Variants in LRRC4C observed in about 807,000 individuals in gnomAD.
LRRC4C encodes leucine-rich repeat-containing protein 4C.
Under a neutral mutation model 33.6 loss-of-function variants are expected in LRRC4C, and 5 were observed. The observed-to-expected ratio is 0.15, with a 90% CI of 0.08 to 0.31. The LOEUF is 0.31. Among genes scored for constraint, LRRC4C ranks in the 10% least tolerant of loss-of-function variants. LRRC4C has a pLI of 1.00. For synonymous variants in LRRC4C, 329 were observed against 302.0 expected, an observed-to-expected ratio of 1.09 and a Z score of -0.93; for missense variants, 560 against 796.7, an observed-to-expected ratio of 0.70 and a Z score of 3.58.
chr11:40,517,998 A>G (rs1955643088), intron 3 of LRRC4C, among the ~76,000 whole-genome samples: 1 of 152,178 alleles, frequency 6.6e-6, no homozygotes, highest in African/African-American at 2.4e-5. Flanking sequence ...CTGACAAAAT[A>G]AGCAATGGGG....
intron 5 of LRRC4C, among the ~76,000 whole-genome samples, chr11:40,156,764 G>A (rs772977740): frequency 6.6e-6 from 1 of 151,922 alleles, no homozygotes; most frequent in Admixed American, 6.6e-5. Context: ...AAAAATCATA[G>A]ATGACACAAA....
intron 2 of LRRC4C, among the ~76,000 whole-genome samples, chr11:40,725,282 G>A (rs1947233484): frequency 6.6e-6 from 1 of 152,126 alleles, no homozygotes; most frequent in Non-Finnish European, 1.5e-5. Flanking sequence ...CGAGGCAGGT[G>A]GATCACGAGG....
At chr11:40,277,234 T>C (rs1323055318) in intron 4 of LRRC4C, among the ~76,000 whole-genome samples, 3 of 152,148 alleles carry the variant, frequency 2.0e-5, no homozygotes, top group Non-Finnish European at 2.9e-5. Flanking sequence ...ACTGGGATAT[T>C]AAATGTTTCT....
At chr11:40,399,290 CCAA>C (rs1403395235) in intron 3 of LRRC4C, among the ~76,000 whole-genome samples, 2 of 152,052 alleles carry the variant, frequency 1.3e-5, no homozygotes, top group Non-Finnish European at 2.9e-5. Flanking sequence ...ACCCAAATGT[CCAA>C]CAATGATAGA....
intron 1 of LRRC4C, among the ~76,000 whole-genome samples, chr11:40,937,469 A>G (rs1313295722): frequency 6.6e-6 from 1 of 152,082 alleles, no homozygotes; most frequent in Non-Finnish European, 1.5e-5. Flanking sequence ...TAATATAATA[A>G]AAGTTGAAAT....
chr11:41,245,067 G>A (rs1016126574), intron 1 of LRRC4C, among the ~76,000 whole-genome samples: 3 of 152,104 alleles, frequency 2.0e-5, no homozygotes, highest in Non-Finnish European at 1.5e-5. Context: ...TGAGACGTTG[G>A]TTATGTTGCT....
chr11:40,191,458 T>G (rs1012537616), intron 5 of LRRC4C, among the ~76,000 whole-genome samples: 3 of 152,194 alleles, frequency 2.0e-5, no homozygotes, highest in Non-Finnish European at 4.4e-5. Context: ...TTAAATTTCT[T>G]GCATGATTGT....
At chr11:40,411,232 C>CA (rs1374778038) in intron 3 of LRRC4C, among the ~76,000 whole-genome samples, 1 of 151,992 alleles carries the variant, frequency 6.6e-6, no homozygotes, top group Non-Finnish European at 1.5e-5. Flanking sequence ...AAATGTGTGG[C>CA]AAAATTGTTA....
chr11:40,419,415 G>T (rs574242256), intron 3 of LRRC4C, among the ~76,000 whole-genome samples: 1 of 152,036 alleles, frequency 6.6e-6, no homozygotes, highest in African/African-American at 2.4e-5. Context: ...GAGAAAAATG[G>T]CACATCCCAG....
At chr11:41,344,370 G>A (rs906759026) in intron 1 of LRRC4C, among the ~76,000 whole-genome samples, 3 of 151,654 alleles carry the variant, frequency 2.0e-5, no homozygotes, top group African/African-American at 2.4e-5. Context: ...ACAGGCGCCC[G>A]CCACCACGCC....
At chr11:41,423,891 T>A (rs566384059) in intron 1 of LRRC4C, 1 of 152,096 alleles carries the variant, frequency 6.6e-6, no homozygotes, top group South Asian at 2.1e-4. Context: ...AATCTCATCT[T>A]GAATTCCTAT....
At chr11:40,763,305 A>G (rs1361721353) in intron 2 of LRRC4C, among the ~76,000 whole-genome samples, 1 of 152,026 alleles carries the variant, frequency 6.6e-6, no homozygotes, top group Non-Finnish European at 1.5e-5. Context: ...TGAACAAATC[A>G]TGGTACATAC....
chr11:40,175,519 G>C (rs1860404464), intron 5 of LRRC4C, among the ~76,000 whole-genome samples: 1 of 152,140 alleles, frequency 6.6e-6, no homozygotes, highest in Non-Finnish European at 1.5e-5. Context: ...AAGAATGCTG[G>C]AGACTGTCTC....
intron 2 of LRRC4C, among the ~76,000 whole-genome samples, chr11:40,682,261 C>T (rs1039246066): frequency 1.4e-5 from 2 of 147,304 alleles, no homozygotes; most frequent in African/African-American, 5.3e-5. Context: ...CAAAGTGAGG[C>T]CCCACCTTGA....
At chr11:40,953,569 C>T (rs1039051188) in intron 1 of LRRC4C, among the ~76,000 whole-genome samples, 1 of 151,836 alleles carries the variant, frequency 6.6e-6, no homozygotes, top group Admixed American at 6.6e-5. Context: ...AAAGGCATCA[C>T]TATATTTCAC....
chr11:40,816,412 A>C (rs1272025171), intron 2 of LRRC4C, among the ~76,000 whole-genome samples: 1 of 152,198 alleles, frequency 6.6e-6, no homozygotes, highest in Non-Finnish European at 1.5e-5. Context: ...ACAGATTCAC[A>C]ACAGATATCC....
At chr11:40,481,573 A>G (rs1433439065) in intron 3 of LRRC4C, among the ~76,000 whole-genome samples, 1 of 152,160 alleles carries the variant, frequency 6.6e-6, no homozygotes, top group Non-Finnish European at 1.5e-5. Context: ...ACCAGGAAGT[A>G]AACTTTTTTT....
At chr11:41,143,360 T>C (rs903079528) in intron 1 of LRRC4C, among the ~76,000 whole-genome samples, 2 of 152,150 alleles carry the variant, frequency 1.3e-5, no homozygotes, top group Admixed American at 6.6e-5. Context: ...GTACTAATAG[T>C]GTTAGTGTGA....
chr11:40,446,222 A>G (rs576186263), intron 3 of LRRC4C: 1 of 152,268 alleles, frequency 6.6e-6, no homozygotes, highest in East Asian at 1.9e-4. Context: ...TATTGCTGTC[A>G]GCTTGAATTT....
Sources: gnomAD v4.1 joint callset for allele counts (sites outside exome capture counted in the v4.1 genomes callset) on GRCh38, gnomAD v4.1.1 for gene constraint, MANE v1.5 for transcripts, NCBI Gene and HGNC (gene_info 2026-07-23, HGNC 2026-07-21) for gene names.